Variants in CR1 observed in about 807,000 individuals in gnomAD.
CR1 encodes complement C3b/C4b receptor 1 (Knops blood group), also known as complement receptor type 1.
In CR1, 116 loss-of-function variants were observed where a neutral mutation model predicts 187.3. That is an observed-to-expected ratio of 0.62 (90% confidence interval 0.53 to 0.72). The LOEUF (loss-of-function observed/expected upper bound fraction) is 0.72. Ranked by LOEUF, CR1 falls within the 30% of genes least tolerant of loss-of-function variation. The pLI, the probability that CR1 is intolerant of heterozygous loss-of-function variation, is 0.00. For missense variants in CR1, 1,731 were observed against 2,110.7 expected (o/e 0.82, Z 3.52); for synonymous variants, 576 against 747.1 (o/e 0.77, Z 3.73).
rs201017229 is a variant in CR1, at chr1:207,609,670, C to T, written c.6277C>T (p.Leu2093=). ...GACCAATGGCAGATGGGGGCCCAAG[C>T]TGCCACACTGCTCCAGGGGTGAGTG... is the stretch of plus-strand genomic sequence containing the variant. ...CQTNGRWGPK[L]PHCSRVCQPP... The change falls in exon 37 of 47, where the codon CTG becomes TTG. Residue 2093 remains leucine, a synonymous_variant. Transcript: ENST00000367049. 1.3e-6 allele frequency: 2 copies of T among 1,587,660 alleles called. No homozygotes were observed. The highest frequency in any genetic ancestry group is 1.3e-5 in the African/African-American group (1 of 74,152).
chr1:207,596,376 G>A (rs1405934428), intron 35 of CR1, among the ~76,000 whole-genome samples: 1 of 152,112 alleles, frequency 6.6e-6, no homozygotes, highest in Non-Finnish European at 1.5e-5. Context: ...CACTTTGGGA[G>A]GCTGAGGCGG....
Position 207,619,829 on chromosome 1 carries a change from C to T in CR1, c.7067-51C>T, listed in dbSNP as rs144309931. 7.9e-4 allele frequency: 1,185 copies of T among 1,491,820 alleles called. 6 individuals carry two copies. The Middle Eastern group carries it at 9.6e-3, about 12-fold the overall frequency. The allele number at this position is 1,491,820 out of a possible 1,614,324, so 92.4% of individuals were successfully genotyped here. On this transcript the variant is annotated intron_variant, in intron 42 of 46. Coordinates refer to ENST00000367049, the MANE Select transcript of CR1 (RefSeq NM_000651.6). Reference sequence around the variant, plus strand: ...TTTTCTCCTATTCTCGCAGTTAAAACGGACAATCAACAATAAAATATCAAT... The same window carrying T: ...TTTTCTCCTATTCTCGCAGTTAAAATGGACAATCAACAATAAAATATCAAT...
At chr1:207,506,838 C>G in intron 3 of CR1, 25 bp downstream of exon 3, 1 of 1,563,108 alleles carries the variant, frequency 6.4e-7, no homozygotes, top group Non-Finnish European at 8.8e-7. Flanking sequence ...CTTGAACCAA[C>G]ATCTCTTGGT....
At chr1:207,603,874 T>TTTAAGGTAAAGTGGGTGAGTA (rs1661676162) in intron 35 of CR1, among the ~76,000 whole-genome samples, 1 of 152,182 alleles carries the variant, frequency 6.6e-6, no homozygotes, top group Non-Finnish European at 1.5e-5. Flanking sequence ...AGATGAGGAC[T>TTTAAGGTAAAGTGGGTGAGTA]TCACTAACTT....
chr1:207,517,702 C>G (rs1426428867), intron 4 of CR1, among the ~76,000 whole-genome samples: 1 of 151,912 alleles, frequency 6.6e-6, no homozygotes. Flanking sequence ...TATTTTATAT[C>G]TTATTGAATT....
At chr1:207,526,278 GGACGCTC>G (rs1660168118) in intron 5 of CR1, among the ~76,000 whole-genome samples, 1 of 151,962 alleles carries the variant, frequency 6.6e-6, no homozygotes, top group African/African-American at 2.4e-5. Flanking sequence ...ATAGATGTAT[GGACGCTC>G]TTTGTTGCAC....
At position 207,630,548 on chromosome 1, in the gene CR1, G is replaced by T; in HGVS notation, c.7384G>T (p.Ala2462Ser). The T allele has an allele frequency of 6.2e-7, 1 of 1,609,676 alleles. No individual in the cohort carries two copies. Among genetic ancestry groups the T allele is most frequent in the Non-Finnish European group, 8.5e-7 (1 of 1,178,286 alleles). The change falls in exon 46 of 47, where the codon GCT becomes TCT. Residue 2462 changes from alanine to serine, a missense_variant. This residue lies in a region of CR1 where 1,312 missense variants were observed against 1,379.6 expected (regional missense o/e 0.95). Transcript: ENST00000367049. ...TGCACATGAAAACCCTAAAGAAGTG[G>T]CTATCCATTTACATTCTCAAGGAGG... ...NNAHENPKEV[A>S]IHLHSQGGSS...
At chr1:207,576,776 T>C (rs1012433905) in intron 28 of CR1, among the ~76,000 whole-genome samples, 1 of 152,122 alleles carries the variant, frequency 6.6e-6, no homozygotes, top group Non-Finnish European at 1.5e-5. Context: ...GCCATGATCG[T>C]GCCACTGCAC....
rs1392117583 is a variant in CR1 at position 207,611,818 on chromosome 1, A to G, written c.6437A>G (p.Gln2146Arg). 4 of 1,613,892 alleles carry G rather than the reference A, an allele frequency of 2.5e-6. No homozygotes were observed. Among genetic ancestry groups the G allele is most frequent in the East Asian group, 2.2e-5 (1 of 44,890 alleles). Residue 2146 changes from glutamine (Q) to arginine (R), a missense_variant, in exon 38 of 47, where the codon CAG becomes CGG. This residue lies in a region of CR1 where 1,312 missense variants were observed against 1,379.6 expected (regional missense o/e 0.95). Coordinates refer to ENST00000367049, the MANE Select transcript of CR1 (RefSeq NM_000651.6). ...GCTGCGTCTCTGCACTGCACGCCCC[A>G]GGGAGACTGGAGCCCTGAAGCCCCT... Reference protein sequence around the residue: ...RGAASLHCTPQGDWSPEAPRC... With the variant: ...RGAASLHCTPRGDWSPEAPRC...
At chr1:207,581,434 C>T (rs916074268) in intron 31 of CR1, among the ~76,000 whole-genome samples, 3 of 149,466 alleles carry the variant, frequency 2.0e-5, no homozygotes, top group African/African-American at 7.3e-5. Flanking sequence ...TGTATATATA[C>T]ATATGTATAT....
chr1:207,575,200 T>TACAC (rs1491420320), intron 27 of CR1, among the ~76,000 whole-genome samples: 7 of 81,876 alleles, frequency 8.5e-5, no homozygotes, highest in South Asian at 1.3e-3. Context: ...GACATAGTAT[T>TACAC]ATACACACAC....
intron 46 of CR1, among the ~76,000 whole-genome samples, chr1:207,634,775 G>A (rs565867379): frequency 6.6e-6 from 1 of 152,262 alleles, no homozygotes; most frequent in African/African-American, 2.4e-5. Flanking sequence ...AAGTAGAAGA[G>A]GAGGACATGC....
At chr1:207,608,041 C>A (rs1315705731) in intron 36 of CR1, among the ~76,000 whole-genome samples, 1 of 152,170 alleles carries the variant, frequency 6.6e-6, no homozygotes, top group African/African-American at 2.4e-5. Flanking sequence ...CTCTGACTGA[C>A]AATTCCATTT....
intron 45 of CR1, among the ~76,000 whole-genome samples, chr1:207,627,059 T>TAAATA (rs1662502985): frequency 6.6e-6 from 1 of 151,628 alleles, no homozygotes; most frequent in African/African-American, 2.4e-5. Flanking sequence ...ATAAATAAAT[T>TAAATA]AAATAAAATA....
chr1:207,522,961 G>C (rs1224250174), intron 4 of CR1, among the ~76,000 whole-genome samples: 1 of 152,078 alleles, frequency 6.6e-6, no homozygotes, highest in Non-Finnish European at 1.5e-5. Context: ...ATCATCTTAT[G>C]ATATCAAACT....
intron 35 of CR1, among the ~76,000 whole-genome samples, chr1:207,597,242 T>G (rs1661474842): frequency 6.6e-6 from 1 of 152,040 alleles, no homozygotes; most frequent in Admixed American, 6.5e-5. Flanking sequence ...AAGAACACTA[T>G]AAGATCAAAC....
chr1:207,630,505 T>C lies in CR1; in HGVS notation c.7353-12T>C, dbSNP rs777932324. The C allele has an allele frequency of 2.0e-6, 3 of 1,533,402 alleles. No homozygotes were observed. Among genetic ancestry groups the C allele is most frequent in the African/African-American group, 1.4e-5 (1 of 71,652 alleles). The allele number at this position is 1,533,402 out of a possible 1,614,324, so 95.0% of individuals were successfully genotyped here. ...TTAAGACAGTTTTTCTATTTTTTTCTCTGCCAATTAGCAATAATGCACATG... is the reference window on the plus strand; with the variant it reads ...TTAAGACAGTTTTTCTATTTTTTTCCCTGCCAATTAGCAATAATGCACATG... On this transcript the variant is annotated splice_polypyrimidine_tract_variant and intron_variant, in intron 45 of 46. Transcript: ENST00000367049.
At chr1:207,593,684 G>A (rs1571571797) in intron 35 of CR1, among the ~76,000 whole-genome samples, 1 of 152,160 alleles carries the variant, frequency 6.6e-6, no homozygotes, top group East Asian at 1.9e-4. Flanking sequence ...CCTACAGAAT[G>A]GGAGAAAATT....
chr1:207,579,795 T>C (rs1660879936), intron 29 of CR1, among the ~76,000 whole-genome samples: 1 of 152,212 alleles, frequency 6.6e-6, no homozygotes, highest in Non-Finnish European at 1.5e-5. Flanking sequence ...GATTGCTGTC[T>C]AGCACCACTG....
Sources: allele counts gnomAD v4.1 joint callset (sites outside exome capture counted in the v4.1 genomes callset), GRCh38; gene constraint gnomAD v4.1.1; regional missense constraint gnomAD v4.1.1; transcripts MANE v1.5; gene names NCBI Gene and HGNC (gene_info 2026-07-23, HGNC 2026-07-21).